ING1: variants seen among roughly 807,000 people sequenced by gnomAD.
ING1 encodes inhibitor of growth protein 1.
Under a neutral mutation model 23.1 loss-of-function variants are expected in ING1, and 4 were observed. That is an observed-to-expected ratio of 0.17 (90% CI 0.09 to 0.40). The LOEUF is 0.40. Among genes scored for constraint, ING1 ranks in the 10% least tolerant of loss-of-function variants. The pLI, the probability that ING1 is intolerant of heterozygous loss-of-function variation, is 1.00. For missense variants in ING1, 256 were observed against 393.8 expected (o/e 0.65, Z 2.96); for synonymous variants, 179 against 166.4 (o/e 1.08, Z -0.58).
intron 1 of ING1, among the ~76,000 whole-genome samples, chr13:110,717,006 A>T (rs993077117): frequency 3.3e-5 from 5 of 152,222 alleles, no homozygotes; most frequent in African/African-American, 1.2e-4. Context: ...CTTGCCCACA[A>T]ATTAGGCTTC....
At chr13:110,713,550 G>A (rs1204651020), upstream of ING1, 14 of 986,058 alleles carry the variant, frequency 1.4e-5, no homozygotes, top group African/African-American at 1.7e-5. Flanking sequence ...CCCCGCGAGG[G>A]CCGGCCTGGA....
At chr13:110,714,955 CCGTAGGGAAG>C (rs2064093379) in intron 1 of ING1, 1 of 981,086 alleles carries the variant, frequency 1.0e-6, no homozygotes. Flanking sequence ...TCTCTGTGTG[CCGTAGGGAAG>C]GGAAGGGAAG....
At chr13:110,715,379 T>G (rs529512069) in intron 1 of ING1, 76 of 1,499,318 alleles carry the variant, frequency 5.1e-5, no homozygotes, top group Non-Finnish European at 6.2e-5. Context: ...TCGCAGCGAA[T>G]TTTATAGGAA....
At position 110,715,528 on chromosome 13, in the gene ING1, G is replaced by A. The variant is rs775061936; in HGVS notation, c.136+1243G>A. On this transcript the variant is annotated intron_variant, in intron 1 of 1. Transcript: ENST00000333219. Reference sequence around the variant, plus strand: ...TGAAGGCGGGCCTAGCGCAATAACTGGTATGGGTCTGTGTTTCCGCTGTCT... The same window carrying A: ...TGAAGGCGGGCCTAGCGCAATAACTAGTATGGGTCTGTGTTTCCGCTGTCT... 9 of 1,614,200 alleles carry A rather than the reference G, an allele frequency of 5.6e-6. No individual in the cohort carries two copies. The South Asian group carries it at 6.6e-5, about 12-fold the overall frequency.
At position 110,714,257 on chromosome 13, in the gene ING1, G is replaced by C. The variant is rs369723704; in HGVS notation, c.108G>C (p.Leu36=). 6 of 1,575,008 alleles carry C rather than the reference G, an allele frequency of 3.8e-6. No homozygotes were observed. Among genetic ancestry groups the C allele is most frequent in the Non-Finnish European group, 5.2e-6 (6 of 1,162,544 alleles). The change falls in exon 1 of 2, where the codon CTG becomes CTC. Residue 36 remains leucine (L), a synonymous_variant. Transcript: ENST00000333219. ...LPFDLQRNVS[L]MREIDAKYQE... ...TCGACTTGCAGAGAAATGTCTCGCTGATGCGGGAGATCGACGCGAAATACC... is the reference window on the plus strand; with the variant it reads ...TCGACTTGCAGAGAAATGTCTCGCTCATGCGGGAGATCGACGCGAAATACC...
In ING1 at chr13:110,721,688, G is replaced by A. The variant is rs2064173095; in HGVS notation, c.*1756G>A. ...CCTCTCGGGTTCAAGCGATTCTCTT[G>A]CCTCAGCCTCCCGAGTAGCTGGGAC... On this transcript the variant is annotated 3_prime_UTR_variant, in exon 2 of 2. Coordinates refer to ENST00000333219, the MANE Select transcript of ING1 (RefSeq NM_198219.3). 6.7e-6 allele frequency: 1 copy of A among 148,558 alleles called. No homozygotes were observed. Among genetic ancestry groups the A allele is most frequent in the African/African-American group, 2.5e-5 (1 of 39,972 alleles). The allele number at this position is 148,558 out of a possible 1,614,324, so 9.2% of individuals were successfully genotyped here.
chr13:110,719,362 G>T lies in ING1; in HGVS notation c.270G>T (p.Gln90His). The change falls in exon 2 of 2, where the codon CAG (glutamine) becomes CAT (histidine). Residue 90 changes from glutamine to histidine, a missense_variant. Coordinates refer to ENST00000333219, the MANE Select transcript of ING1 (RefSeq NM_198219.3). This position sits in a 1 kb window ranked among gnomAD's most constrained non-coding sequence, Gnocchi z 8.9. Reference protein sequence around the residue: ...RSQELGDEKIQIVSQMVELVE... With the variant: ...RSQELGDEKIHIVSQMVELVE... ...AGGAGCTGGGCGACGAGAAGATCCAGATCGTGAGCCAGATGGTGGAGCTGG... is the reference window on the plus strand; with the variant it reads ...AGGAGCTGGGCGACGAGAAGATCCATATCGTGAGCCAGATGGTGGAGCTGG... The T allele has an allele frequency of 6.2e-7, 1 of 1,609,612 alleles. No homozygotes were observed. The highest frequency in any genetic ancestry group is 8.5e-7 in the Non-Finnish European group (1 of 1,179,820).
upstream of ING1, chr13:110,713,003 C>G (rs202081363): frequency 6.5e-7 from 1 of 1,541,520 alleles, no homozygotes; most frequent in Non-Finnish European, 8.7e-7. Context: ...ACTCTGCGGC[C>G]GCAGCTCAAA....
chr13:110,715,895 G>C (rs1421299845), intron 1 of ING1: 6 of 1,585,770 alleles, frequency 3.8e-6, no homozygotes, highest in African/African-American at 2.7e-5. Flanking sequence ...CTGTGGGCTC[G>C]GGGCCGGGGC....
At chr13:110,715,649 C>T in intron 1 of ING1, 2 of 1,613,118 alleles carry the variant, frequency 1.2e-6, no homozygotes, top group Non-Finnish European at 1.7e-6. Flanking sequence ...ATTGGTTCTT[C>T]TCGCTGCTGG....
chr13:110,719,392 G>A lies in ING1; in HGVS notation c.300G>A (p.Glu100=), dbSNP rs1034000219. 2 of 1,610,730 alleles carry A rather than the reference G, an allele frequency of 1.2e-6. No individual in the cohort carries two copies. Among genetic ancestry groups the A allele is most frequent in the Admixed American group, 1.7e-5 (1 of 59,954 alleles). Residue 100 remains glutamate (E), a synonymous_variant, in exon 2 of 2, where the codon GAG becomes GAA. Transcript: ENST00000333219. This position sits in a 1 kb window ranked among gnomAD's most constrained non-coding sequence, Gnocchi z 8.9. Reference sequence around the variant, plus strand: ...TGAGCCAGATGGTGGAGCTGGTGGAGAACCGCACGCGGCAGGTGGACAGCC... The same window carrying A: ...TGAGCCAGATGGTGGAGCTGGTGGAAAACCGCACGCGGCAGGTGGACAGCC... ...QIVSQMVELV[E]NRTRQVDSHV... is the part of the protein sequence containing the mutation.
In ING1 at chr13:110,714,284, A is replaced by C; in HGVS notation, c.135A>C (p.Gln45His). 1 of 1,554,424 alleles carries C rather than the reference A, an allele frequency of 6.4e-7. No individual in the cohort carries two copies. Among genetic ancestry groups the C allele is most frequent in the Non-Finnish European group, 8.7e-7 (1 of 1,150,976 alleles). The change falls in exon 1 of 2, where the codon CAA becomes CAC. Residue 45 changes from glutamine (Q) to histidine (H), a missense_variant and splice_region_variant. Coordinates refer to ENST00000333219, the MANE Select transcript of ING1 (RefSeq NM_198219.3). ...TGCGGGAGATCGACGCGAAATACCA[A>C]GGTACGGCCGGGTGATGGATGGGCG... ...SLMREIDAKY[Q>H]EILKELDECY...
upstream of ING1, chr13:110,712,965 G>A (rs1270416204): frequency 1.3e-6 from 2 of 1,560,188 alleles, no homozygotes; most frequent in Admixed American, 1.9e-5. Flanking sequence ...GTGGTGGTCC[G>A]GCCGCGGAAT....
At chr13:110,715,752 G>T in intron 1 of ING1, 1 of 1,583,130 alleles carries the variant, frequency 6.3e-7, no homozygotes, top group Non-Finnish European at 8.6e-7. Context: ...GCGGCTCTCG[G>T]GGTGCGGGGC....
rs576821364 is a variant in ING1 at position 110,714,798 on chromosome 13, C to A, written c.136+513C>A. 7.9e-5 allele frequency among the ~76,000 whole-genome samples: 12 copies of A among 152,340 alleles called. No homozygotes were observed. The South Asian group carries it at 1.0e-3, about 13-fold the overall frequency. On this transcript the variant is annotated intron_variant, in intron 1 of 1. Coordinates refer to ENST00000333219, the MANE Select transcript of ING1 (RefSeq NM_198219.3). ...CACTCAGTCCCGAATCTGAGTGTTA[C>A]ATAAAGTACCGGGTAGTACTCCGCT...
rs2064170734 is a variant in ING1, at chr13:110,721,363, GC to G, written c.*1432del. ...CGCAACCTCCGCCTCCCAGGTTCAA[GC>G]GATTGTCCTGCCTCAGCCTCCCCAG... On this transcript the variant is annotated 3_prime_UTR_variant, in exon 2 of 2. Transcript: ENST00000333219. 6.6e-6 allele frequency: 1 copy of G among 152,266 alleles called. No individual in the cohort carries two copies. Among genetic ancestry groups the G allele is most frequent in the African/African-American group, 2.4e-5 (1 of 41,430 alleles). 9.4% of individuals were successfully genotyped at this position (152,266 alleles called of 1,614,324 possible).
In ING1 at chr13:110,720,902, T is replaced by G. The variant is rs2064166941; in HGVS notation, c.*970T>G. On this transcript the variant is annotated 3_prime_UTR_variant, in exon 2 of 2. Coordinates refer to ENST00000333219, the MANE Select transcript of ING1 (RefSeq NM_198219.3). ...TATTGTTCTCACTTATTATTAATAA[T>G]GAAGTAGAAGTTACTTAATTGCCAG... 6.0e-6 allele frequency: 1 copy of G among 167,128 alleles called. No homozygotes were observed. The highest frequency in any genetic ancestry group is 6.5e-5 in the Admixed American group (1 of 15,290). 10.4% of individuals were successfully genotyped at this position (167,128 alleles called of 1,614,324 possible). A position where few individuals can be genotyped will look rare whatever the true frequency, so the allele number is the denominator to read the frequency against.
intron 1 of ING1, among the ~76,000 whole-genome samples, chr13:110,718,376 A>C (rs1362339297): frequency 6.6e-6 from 1 of 152,216 alleles, no homozygotes; most frequent in African/African-American, 2.4e-5. Flanking sequence ...AGATTGCACC[A>C]CTGCACTCCA....
intron 1 of ING1, chr13:110,715,022 G>T (rs972311398): frequency 1.0e-6 from 1 of 996,736 alleles, no homozygotes; most frequent in African/African-American, 1.7e-5. Flanking sequence ...TGCGCTCGGG[G>T]GGGCGCGGGC....
Sources: gnomAD v4.1 joint callset for allele counts (sites outside exome capture counted in the v4.1 genomes callset) on GRCh38, gnomAD v4.1.1 for gene constraint, Gnocchi (gnomAD v3.1) non-coding constraint, MANE v1.5 for transcripts, NCBI Gene and HGNC (gene_info 2026-07-23, HGNC 2026-07-21) for gene names.